SNTB2: variants seen among roughly 807,000 people sequenced by gnomAD.
The protein encoded by SNTB2 is syntrophin beta 2, also known as beta-2-syntrophin.
In SNTB2, 34 loss-of-function variants were observed where a neutral mutation model predicts 46.2. The observed-to-expected ratio is 0.74, with a 90% CI of 0.56 to 0.98. The LOEUF is 0.98. SNTB2 is among the 50% of genes least tolerant of loss of function. SNTB2 has a pLI of 0.00. For synonymous variants in SNTB2, 290 were observed against 312.6 expected (o/e 0.93, Z 0.76); for missense variants, 603 against 731.4 (o/e 0.82, Z 2.02).
chr16:69,292,409 ATATATATATTATATATATATATATAT>A (rs1356488871), intron 5 of SNTB2, among the ~76,000 whole-genome samples: 948 of 18,900 alleles, frequency 0.05, 218 homozygotes, highest in African/African-American at 0.26. Context: ...TATATATATT[ATATATATATTATATATATATATATAT>A]TATATATATA....
At chr16:69,200,504 C>T (rs745567215) in intron 1 of SNTB2, among the ~76,000 whole-genome samples, 67 of 152,120 alleles carry the variant, frequency 4.4e-4, no homozygotes, top group African/African-American at 6.7e-4. Context: ...ACAACACATT[C>T]GTGATACATC....
At chr16:69,221,212 C>T (rs1964400613) in intron 1 of SNTB2, among the ~76,000 whole-genome samples, 2 of 152,206 alleles carry the variant, frequency 1.3e-5, no homozygotes, top group African/African-American at 2.4e-5. Context: ...ATAGTTCACA[C>T]TTACATACTC....
At chr16:69,188,041 G>A (rs1964011936) in intron 1 of SNTB2, among the ~76,000 whole-genome samples, 1 of 151,982 alleles carries the variant, frequency 6.6e-6, no homozygotes, top group African/African-American at 2.4e-5. Flanking sequence ...TTGAGGGAGA[G>A]CGAACGGCTC....
chr16:69,267,869 C>G (rs1246248231), intron 3 of SNTB2, among the ~76,000 whole-genome samples: 1 of 152,230 alleles, frequency 6.6e-6, no homozygotes, highest in Non-Finnish European at 1.5e-5. Flanking sequence ...AGGCAACACT[C>G]TAACCGATAA....
intron 5 of SNTB2, among the ~76,000 whole-genome samples, chr16:69,297,787 A>G (rs879493983): frequency 6.6e-6 from 1 of 151,084 alleles, no homozygotes. Context: ...GGTGGTGTAC[A>G]TCTGTAATCC....
intron 1 of SNTB2, among the ~76,000 whole-genome samples, chr16:69,193,330 T>TTTC (rs1268741912): frequency 7.4e-6 from 1 of 135,562 alleles, no homozygotes; most frequent in Non-Finnish European, 1.6e-5. Context: ...TTTTTTTTTT[T>TTTC]TTTTTTTTTT....
chr16:69,264,981 G>C (rs894600624), intron 3 of SNTB2, among the ~76,000 whole-genome samples: 1 of 152,232 alleles, frequency 6.6e-6, no homozygotes, highest in African/African-American at 2.4e-5. Flanking sequence ...CGGGCACGGT[G>C]GCTCATGCCT....
In SNTB2 at chr16:69,304,467, C is replaced by T. The variant is rs1387687596; in HGVS notation, c.*3543C>T. On this transcript the variant is annotated 3_prime_UTR_variant, in exon 7 of 7. Transcript: ENST00000336278. ...TTCTGTACTCTCACAAACTTTGTTACTCAAAATTATTGCATGGCAGGAGAG... is the reference window on the plus strand; with the variant it reads ...TTCTGTACTCTCACAAACTTTGTTATTCAAAATTATTGCATGGCAGGAGAG... 1 of 152,572 alleles carries T rather than the reference C, an allele frequency of 6.6e-6. No individual in the cohort carries two copies. The highest frequency in any genetic ancestry group is 1.9e-4 in the East Asian group (1 of 5,194). The allele number at this position is 152,572 out of a possible 1,614,324, so 9.5% of individuals were successfully genotyped here.
chr16:69,204,841 C>T (rs1469898542), intron 1 of SNTB2, among the ~76,000 whole-genome samples: 1 of 152,204 alleles, frequency 6.6e-6, no homozygotes, highest in African/African-American at 2.4e-5. Context: ...TACTTTTCTA[C>T]TTAAATGAAA....
intron 1 of SNTB2, among the ~76,000 whole-genome samples, chr16:69,220,869 A>G (rs751023835): frequency 2.0e-5 from 3 of 152,108 alleles, no homozygotes; most frequent in Non-Finnish European, 4.4e-5. Context: ...ACGGTCTATA[A>G]CTGTCACCAC....
intron 5 of SNTB2, among the ~76,000 whole-genome samples, chr16:69,292,374 ATATATT>A (rs1436519160): frequency 2.5e-5 from 1 of 40,700 alleles, no homozygotes; most frequent in African/African-American, 1.2e-4. Flanking sequence ...ATATATATAT[ATATATT>A]ATATATATAT....
chr16:69,204,945 C>A (rs1309794007), intron 1 of SNTB2, among the ~76,000 whole-genome samples: 1 of 152,164 alleles, frequency 6.6e-6, no homozygotes, highest in Non-Finnish European at 1.5e-5. Flanking sequence ...GTGTGCATTG[C>A]ATATGACCAT....
At position 69,245,910 on chromosome 16, in the gene SNTB2, A is replaced by G. The variant is rs530847589; in HGVS notation, c.794+95A>G. The G allele has an allele frequency of 1.6e-5, 20 of 1,260,406 alleles. No individual in the cohort carries two copies. The South Asian group carries it at 2.6e-4, about 16-fold the overall frequency. The allele number at this position is 1,260,406 out of a possible 1,614,324, so 78.1% of individuals were successfully genotyped here. On this transcript the variant is annotated intron_variant, in intron 2 of 6. Transcript: ENST00000336278. ...TGACTCTGTTAACTCAGTTATACAG[A>G]GGAAAACATCTGTCTGAGGTGAGAG...
intron 1 of SNTB2, among the ~76,000 whole-genome samples, chr16:69,201,081 G>A (rs1050028531): frequency 2.0e-5 from 3 of 152,240 alleles, no homozygotes; most frequent in African/African-American, 7.2e-5. Flanking sequence ...GGGCCTCCAG[G>A]GGCCTGGTTT....
At chr16:69,188,214 T>A (rs757300544) in intron 1 of SNTB2, among the ~76,000 whole-genome samples, 15 of 152,134 alleles carry the variant, frequency 9.9e-5, no homozygotes, top group Non-Finnish European at 1.9e-4. Context: ...GCTGGTTAAT[T>A]TATGGGAATT....
At chr16:69,288,968 T>C (rs562315456) in intron 5 of SNTB2, among the ~76,000 whole-genome samples, 1 of 152,154 alleles carries the variant, frequency 6.6e-6, no homozygotes, top group South Asian at 2.1e-4. Context: ...TGTTCTCACT[T>C]ATATGGGAGC....
At chr16:69,215,770 T>C (rs956636769) in intron 1 of SNTB2, among the ~76,000 whole-genome samples, 2 of 152,266 alleles carry the variant, frequency 1.3e-5, no homozygotes, top group Admixed American at 1.3e-4. Flanking sequence ...GCAGTTCTAT[T>C]GCATGCATAG....
intron 1 of SNTB2, among the ~76,000 whole-genome samples, chr16:69,237,599 C>CTTTATT (rs1197300500): frequency 9.1e-6 from 1 of 110,310 alleles, no homozygotes; most frequent in Non-Finnish European, 1.9e-5. Flanking sequence ...TTCTTTCTTT[C>CTTTATT]TTTCTTTTTT....
intron 1 of SNTB2, among the ~76,000 whole-genome samples, chr16:69,244,552 C>T (rs1964650986): frequency 6.6e-6 from 1 of 152,158 alleles, no homozygotes; most frequent in African/African-American, 2.4e-5. Flanking sequence ...AACAAGAACA[C>T]CATGCCTCGA....
Sources: allele counts gnomAD v4.1 joint callset (sites outside exome capture counted in the v4.1 genomes callset), GRCh38; gene constraint gnomAD v4.1.1; transcripts MANE v1.5; gene names NCBI Gene and HGNC (gene_info 2026-07-23, HGNC 2026-07-21).